Variants in LARP1 observed in about 807,000 individuals in gnomAD.
LARP1 encodes La ribonucleoprotein 1, translational regulator.
A neutral mutation model predicts 122.7 loss-of-function variants in LARP1; 36 were observed. The observed-to-expected ratio is 0.29, with a 90% CI of 0.22 to 0.39. The LOEUF is 0.39. Ranked by LOEUF, LARP1 falls within the 10% of genes least tolerant of loss-of-function variation. LARP1 has a pLI of 1.00. For missense variants in LARP1, 1,040 were observed against 1,403.6 expected (o/e 0.74, Z 4.14); for synonymous variants, 539 against 528.7 (o/e 1.02, Z -0.27).
At chr5:154,784,361 A>T (rs930823159) in intron 1 of LARP1, among the ~76,000 whole-genome samples, 1 of 152,168 alleles carries the variant, frequency 6.6e-6, no homozygotes, top group Non-Finnish European at 1.5e-5. Context: ...TGGGAGGTCT[A>T]CCCGAAGGAG....
chr5:154,794,020 G>T lies in LARP1; in HGVS notation c.1069+20G>T. 1 of 1,608,224 alleles carries T rather than the reference G, an allele frequency of 6.2e-7. No individual in the cohort carries two copies. The highest frequency in any genetic ancestry group is 8.5e-7 in the Non-Finnish European group (1 of 1,176,064). ...CTCGAAGTACGTGAGGCCCCTTTGG[G>T]CTCCGGGATGTCCAAGGGTGTGCAG... is the stretch of plus-strand genomic sequence containing the variant. On this transcript the variant is annotated intron_variant, in intron 6 of 18. Transcript: ENST00000518297.
At chr5:154,789,611 T>C (rs1340293049) in intron 1 of LARP1, among the ~76,000 whole-genome samples, 1 of 152,234 alleles carries the variant, frequency 6.6e-6, no homozygotes, top group Non-Finnish European at 1.5e-5. Flanking sequence ...GGATGAACTT[T>C]AGTCAGTCCC....
At chr5:154,729,543 T>A in intron 1 of LARP1, 1 of 435,418 alleles carries the variant, frequency 2.3e-6, no homozygotes, top group African/African-American at 2.1e-5. Context: ...CTGAAAAGTG[T>A]GAAGGAAAAT....
intron 1 of LARP1, chr5:154,729,382 C>A: frequency 3.1e-6 from 1 of 324,524 alleles, no homozygotes; most frequent in East Asian, 8.1e-5. Flanking sequence ...AAGGAATACC[C>A]CACAAATGTT....
intron 1 of LARP1, among the ~76,000 whole-genome samples, chr5:154,705,460 C>A (rs1349806544): frequency 1.3e-5 from 2 of 152,002 alleles, no homozygotes; most frequent in Non-Finnish European, 2.9e-5. Flanking sequence ...GCAACCTCTG[C>A]CTCCCAGGTT....
intron 1 of LARP1, among the ~76,000 whole-genome samples, chr5:154,740,764 T>C (rs1752836479): frequency 6.6e-6 from 1 of 152,244 alleles, no homozygotes; most frequent in Admixed American, 6.5e-5. Context: ...TGAGGGCCCC[T>C]ATTCTGAGCA....
Position 154,814,376 on chromosome 5 carries a change from C to CAT in LARP1, c.*291_*292dup, listed in dbSNP as rs148093941. On this transcript the variant is annotated 3_prime_UTR_variant, in exon 19 of 19. Coordinates refer to ENST00000518297, the MANE Select transcript of LARP1 (RefSeq NM_033551.3). ...GGGGGGAGATTTTTATATATATATA[C>CAT]ATATATATATATCAAGTTTTAAATT... 2.7e-4 allele frequency: 45 copies of CAT among 168,016 alleles called. No homozygotes were observed. The highest frequency in any genetic ancestry group is 5.9e-4 in the South Asian group (3 of 5,124). 10.4% of individuals were successfully genotyped at this position (168,016 alleles called of 1,614,324 possible). A position where few individuals can be genotyped will look rare whatever the true frequency, so the allele number is the denominator to read the frequency against.
At position 154,738,463 on chromosome 5, in the gene LARP1, A is replaced by G. The variant is rs552768728; in HGVS notation, c.205+25333A>G. Among the ~76,000 whole-genome samples the G allele has an allele frequency of 4.6e-5, 7 of 152,268 alleles. No homozygotes were observed. In the East Asian group the frequency reaches 1.4e-3, roughly 29 times the overall value. ...AAAAATTAGCCAGGTTTGGCAGCAC[A>G]TGCCTGTAATCCCAGCTACTCTGGA... is the stretch of plus-strand genomic sequence containing the variant. On this transcript the variant is annotated intron_variant, in intron 1 of 18. Coordinates refer to the LARP1 transcript ENST00000336314.
Position 154,802,785 on chromosome 5 carries a change from AAAGAT to A in LARP1, c.2109+390_2109+394del, listed in dbSNP as rs1758451891. On this transcript the variant is annotated intron_variant, in intron 11 of 18. Transcript: ENST00000518297. This position sits in a 1 kb window ranked among gnomAD's most constrained non-coding sequence, Gnocchi z 5.1. ...TTGTGTTGAGTATGGAAAATGGAGA[AAAGAT>A]AAGTCTTTTGAAAAATTGCTGCTGC... is the stretch of plus-strand genomic sequence containing the variant. 6.6e-6 allele frequency among the ~76,000 whole-genome samples: 1 copy of A among 152,242 alleles called. No individual in the cohort carries two copies. Among genetic ancestry groups the A allele is most frequent in the Admixed American group, 6.5e-5 (1 of 15,280 alleles).
At chr5:154,688,349 C>A (rs1754032524) in intron 1 of LARP1, among the ~76,000 whole-genome samples, 1 of 151,758 alleles carries the variant, frequency 6.6e-6, no homozygotes, top group Admixed American at 6.6e-5. Context: ...TGAAAAAGTT[C>A]ACATCTTAAA....
In LARP1 at chr5:154,771,351, A is replaced by G. The variant is rs370587878; in HGVS notation, c.436+15158A>G. Among the ~76,000 whole-genome samples, 3 of 152,288 alleles carry G rather than the reference A, an allele frequency of 2.0e-5. No homozygotes were observed. In the South Asian group the frequency reaches 6.2e-4, roughly 32 times the overall value. On this transcript the variant is annotated intron_variant, in intron 1 of 18. Transcript: ENST00000518297. The stretch of plus-strand genomic sequence containing the variant: ...CCACACACTCCTATTCACTGTCACC[A>G]TTCATTTTCACAGTAACCCTGTGGG...
rs776742361 is a variant in LARP1, at chr5:154,790,380, C to T, written c.492C>T (p.Gly164=). 3 of 1,613,534 alleles carry T rather than the reference C, an allele frequency of 1.9e-6. No individual in the cohort carries two copies. In the South Asian group the frequency reaches 3.3e-5, roughly 18 times the overall value. ...CAGCTGTTCCTAAACAGCGCAAAGG[C>T]AGCAAGGTAAAGAATAACAGTGGGC... ...VRAAVPKQRK[G]SKVGDFGDAI... is the part of the protein sequence containing the mutation. The change falls in exon 2 of 19, where the codon GGC becomes GGT. Residue 164 remains glycine (G), a synonymous_variant. Coordinates refer to ENST00000518297, the MANE Select transcript of LARP1 (RefSeq NM_033551.3).
At chr5:154,765,481 C>T (rs909825553) in intron 1 of LARP1, among the ~76,000 whole-genome samples, 2 of 152,216 alleles carry the variant, frequency 1.3e-5, no homozygotes, top group Non-Finnish European at 2.9e-5. Context: ...GACTCAACCT[C>T]CCAGGCTCAA....
intron 1 of LARP1, among the ~76,000 whole-genome samples, chr5:154,716,591 A>G (rs776235814): frequency 7.3e-5 from 11 of 151,714 alleles, no homozygotes; most frequent in Non-Finnish European, 1.6e-4. Flanking sequence ...TGGGATTACA[A>G]GCATGCACCA....
intron 16 of LARP1, among the ~76,000 whole-genome samples, chr5:154,810,369 G>A (rs1353013735): frequency 6.6e-6 from 1 of 151,754 alleles, no homozygotes; most frequent in Non-Finnish European, 1.5e-5. Context: ...CCAGGAGGCA[G>A]AGGTTGCAGT....
rs541328071 is a variant in LARP1 at position 154,758,384 on chromosome 5, G to T, written c.436+2191G>T. 3.9e-5 allele frequency among the ~76,000 whole-genome samples: 6 copies of T among 152,332 alleles called. No individual in the cohort carries two copies. The East Asian group carries it at 1.2e-3, about 29-fold the overall frequency. ...TTTTGGAATCTTAAGGCAAGAGAGT[G>T]TCTACTTGTTGGTTTAGAACCTTTG... is the stretch of plus-strand genomic sequence containing the variant. On this transcript the variant is annotated intron_variant, in intron 1 of 18. Transcript: ENST00000518297.
chr5:154,712,270 T>C (rs1409398763), upstream of LARP1, among the ~76,000 whole-genome samples: 1 of 152,224 alleles, frequency 6.6e-6, no homozygotes, highest in Non-Finnish European at 1.5e-5. Flanking sequence ...CTAGCATGAC[T>C]ATACCATGCT....
In LARP1 at chr5:154,811,250, T is replaced by C. The variant is rs80111507; in HGVS notation, c.2847T>C (p.Tyr949=). Residue 949 remains tyrosine, a synonymous_variant, in exon 17 of 19, where the codon TAT becomes TAC. Transcript: ENST00000518297. ...TTCACTGACTTGTGTTCTACAGATA[T>C]GGTTTGGAGTGCCTTTTTCGATACT... is the stretch of plus-strand genomic sequence containing the variant. The part of the protein sequence containing the change: ...ALEDAKEGYR[Y]GLECLFRYYS... 3,257 of 1,613,280 alleles carry C rather than the reference T, an allele frequency of 2.0e-3. 35 individuals carry two copies. The East Asian group carries it at 0.037, about 18-fold the overall frequency.
In LARP1 at chr5:154,730,928, C is replaced by T. The variant is rs1050225987; in HGVS notation, c.205+17798C>T. Among the ~76,000 whole-genome samples the T allele has an allele frequency of 4.4e-5, 6 of 136,318 alleles. No individual in the cohort carries two copies. In the East Asian group the frequency reaches 1.4e-3, roughly 31 times the overall value. 89.4% of individuals were successfully genotyped at this position (136,318 alleles called of 152,430 possible). On this transcript the variant is annotated intron_variant, in intron 1 of 18. Coordinates refer to the LARP1 transcript ENST00000336314. Reference sequence around the variant, plus strand: ...TGTTGCCCAAGCTGGAGTGCAGTGGCGTGATCTCAGCTTACTGCAACCTCC... The same window carrying T: ...TGTTGCCCAAGCTGGAGTGCAGTGGTGTGATCTCAGCTTACTGCAACCTCC...
Sources: allele counts gnomAD v4.1 joint callset (sites outside exome capture counted in the v4.1 genomes callset), GRCh38; gene constraint gnomAD v4.1.1; non-coding constraint Gnocchi (gnomAD v3.1); transcripts MANE v1.5; gene names NCBI Gene and HGNC (gene_info 2026-07-23, HGNC 2026-07-21).